ARHGAP15: variants seen among roughly 807,000 people sequenced by gnomAD.
The protein encoded by ARHGAP15 is rho GTPase-activating protein 15.
A neutral mutation model predicts 63.7 loss-of-function variants in ARHGAP15; 51 were observed. The ratio of observed to expected loss-of-function variants is 0.80; its 90% confidence interval spans 0.64 to 1.01. The LOEUF is 1.01. Ranked by LOEUF, ARHGAP15 falls within the 50% of genes least tolerant of loss-of-function variation. The probability of loss-of-function intolerance (pLI) is 0.00; values close to 1 mark genes in which losing one functional copy is unlikely to be tolerated. For missense variants in ARHGAP15, 560 were observed against 564.6 expected, an observed-to-expected ratio of 0.99 and a Z score of 0.08; for synonymous variants, 191 against 193.8, an observed-to-expected ratio of 0.99 and a Z score of 0.12.
chr2:143,710,228 G>T (rs1684520807), intron 13 of ARHGAP15, among the ~76,000 whole-genome samples: 1 of 151,944 alleles, frequency 6.6e-6, no homozygotes, highest in African/African-American at 2.4e-5. Flanking sequence ...AAGCTTCATA[G>T]CTCCTTTGCT....
chr2:143,651,189 G>A (rs1437399717), intron 12 of ARHGAP15, among the ~76,000 whole-genome samples: 1 of 151,860 alleles, frequency 6.6e-6, no homozygotes, highest in Non-Finnish European at 1.5e-5. Flanking sequence ...GTAATACAAA[G>A]GTAAAATTGT....
At chr2:143,567,916 T>C (rs1354744452) in intron 11 of ARHGAP15, among the ~76,000 whole-genome samples, 1 of 152,164 alleles carries the variant, frequency 6.6e-6, no homozygotes, top group Non-Finnish European at 1.5e-5. Context: ...GGAGGGAAAT[T>C]AGCTAAGGGT....
chr2:143,317,220 C>G (rs953244715), intron 6 of ARHGAP15, among the ~76,000 whole-genome samples: 1 of 138,534 alleles, frequency 7.2e-6, no homozygotes, highest in African/African-American at 2.5e-5. Flanking sequence ...TATAAGAGTA[C>G]CAGATAAAAA....
At chr2:143,274,578 T>C (rs1681450452) in intron 6 of ARHGAP15, among the ~76,000 whole-genome samples, 1 of 152,248 alleles carries the variant, frequency 6.6e-6, no homozygotes, top group Non-Finnish European at 1.5e-5. Context: ...GTTATCAGGT[T>C]GTATGAATTA....
chr2:143,145,094 C>T (rs3856363), intron 1 of ARHGAP15, among the ~76,000 whole-genome samples: 50,131 of 151,824 alleles, frequency 0.33, 9,269 homozygotes, highest in East Asian at 0.64. Context: ...AGAATTACTA[C>T]TTTATAGCTC....
At chr2:143,269,735 G>T (rs1292916524) in intron 6 of ARHGAP15, among the ~76,000 whole-genome samples, 3 of 151,382 alleles carry the variant, frequency 2.0e-5, no homozygotes, top group Non-Finnish European at 4.4e-5. Flanking sequence ...CTATTTCTTT[G>T]ATTATACTGA....
At chr2:143,631,022 C>A (rs937494553) in intron 12 of ARHGAP15, among the ~76,000 whole-genome samples, 3 of 152,110 alleles carry the variant, frequency 2.0e-5, no homozygotes, top group African/African-American at 7.2e-5. Flanking sequence ...CACCACTGAT[C>A]TGCTTCCTGT....
At chr2:143,187,039 T>A (rs1317344374) in intron 2 of ARHGAP15, among the ~76,000 whole-genome samples, 1 of 152,208 alleles carries the variant, frequency 6.6e-6, no homozygotes, top group Non-Finnish European at 1.5e-5. Flanking sequence ...ACTTTCTAGA[T>A]CCAAGGATCT....
At chr2:143,596,849 C>T (rs1697536910) in intron 11 of ARHGAP15, among the ~76,000 whole-genome samples, 1 of 152,078 alleles carries the variant, frequency 6.6e-6, no homozygotes, top group Non-Finnish European at 1.5e-5. Flanking sequence ...TTCCAAAATT[C>T]CAGGAACATT....
intron 13 of ARHGAP15, among the ~76,000 whole-genome samples, chr2:143,723,037 C>T (rs1685131163): frequency 6.6e-6 from 1 of 152,200 alleles, no homozygotes; most frequent in Admixed American, 6.5e-5. Flanking sequence ...GAGATTATGA[C>T]ACTGAATTTT....
rs140430931 is a variant in ARHGAP15 at position 143,444,364 on chromosome 2, C to T, written c.703+7322C>T. Among the ~76,000 whole-genome samples, 9 of 152,170 alleles carry T rather than the reference C, an allele frequency of 5.9e-5. No individual in the cohort carries two copies. In the East Asian group the frequency reaches 1.7e-3, roughly 29 times the overall value. Reference sequence around the variant, plus strand: ...GTTTATTCCATGACTTTAAAATGGGCGTATATTAATGTTTTCTTATAAAGT... The same window carrying T: ...GTTTATTCCATGACTTTAAAATGGGTGTATATTAATGTTTTCTTATAAAGT... On this transcript the variant is annotated intron_variant, in intron 8 of 13. Coordinates refer to ENST00000295095, the MANE Select transcript of ARHGAP15 (RefSeq NM_018460.4).
intron 6 of ARHGAP15, among the ~76,000 whole-genome samples, chr2:143,296,220 T>G (rs1682628025): frequency 6.6e-6 from 1 of 152,022 alleles, no homozygotes; most frequent in Admixed American, 6.6e-5. Flanking sequence ...TGTCCCTCTC[T>G]GTCAATCACA....
intron 11 of ARHGAP15, among the ~76,000 whole-genome samples, chr2:143,619,143 C>T (rs751541387): frequency 8.3e-4 from 126 of 152,242 alleles, no homozygotes; most frequent in Non-Finnish European, 8.7e-4. Context: ...TATTTAAATG[C>T]TCCTTGTTCC....
At chr2:143,349,393 A>G (rs1166441576) in intron 6 of ARHGAP15, among the ~76,000 whole-genome samples, 2 of 152,216 alleles carry the variant, frequency 1.3e-5, no homozygotes, top group Non-Finnish European at 2.9e-5. Context: ...AATTCTGATC[A>G]GTTCCTTAGG....
chr2:143,290,946 A>G (rs1282185617), intron 6 of ARHGAP15, among the ~76,000 whole-genome samples: 1 of 152,146 alleles, frequency 6.6e-6, no homozygotes, highest in Non-Finnish European at 1.5e-5. Context: ...ATTTGTCAGA[A>G]AGGACTTAAA....
chr2:143,573,859 A>C (rs1559058405), intron 11 of ARHGAP15, among the ~76,000 whole-genome samples: 1 of 152,022 alleles, frequency 6.6e-6, no homozygotes, highest in Non-Finnish European at 1.5e-5. Flanking sequence ...TATTTCCCCT[A>C]TCCATGTTTG....
At chr2:143,721,854 T>G (rs527835406) in intron 13 of ARHGAP15, among the ~76,000 whole-genome samples, 1 of 152,270 alleles carries the variant, frequency 6.6e-6, no homozygotes, top group East Asian at 1.9e-4. Context: ...GCCCAGCTAA[T>G]TTTTTGTATT....
chr2:143,146,635 G>A (rs1197549603), intron 1 of ARHGAP15, among the ~76,000 whole-genome samples: 1 of 151,958 alleles, frequency 6.6e-6, no homozygotes, highest in Non-Finnish European at 1.5e-5. Flanking sequence ...ATACACACAA[G>A]CTATTTAAAA....
intron 13 of ARHGAP15, among the ~76,000 whole-genome samples, chr2:143,712,435 G>A (rs1476966111): frequency 6.6e-6 from 1 of 152,300 alleles, no homozygotes; most frequent in East Asian, 1.9e-4. Context: ...TGCAAGAAAG[G>A]TGATTGAGAT....
Sources: gnomAD v4.1 joint callset for allele counts (sites outside exome capture counted in the v4.1 genomes callset) on GRCh38, gnomAD v4.1.1 for gene constraint, MANE v1.5 for transcripts, NCBI Gene and HGNC (gene_info 2026-07-23, HGNC 2026-07-21) for gene names.